SNTG1: variants seen among roughly 807,000 people sequenced by gnomAD.
SNTG1 encodes the protein gamma-1-syntrophin.
Under a neutral mutation model 74.7 loss-of-function variants are expected in SNTG1, and 39 were observed. That is an observed-to-expected ratio of 0.52 (90% confidence interval 0.40 to 0.68). SNTG1 has a LOEUF of 0.68. SNTG1 is among the 30% of genes least tolerant of loss of function. The probability of loss-of-function intolerance (pLI) is 0.00; values close to 1 mark genes in which losing one functional copy is unlikely to be tolerated. For missense variants in SNTG1, 685 were observed against 609.5 expected, an observed-to-expected ratio of 1.12 and a Z score of -1.30; for synonymous variants, 254 against 217.1, an observed-to-expected ratio of 1.17 and a Z score of -1.49.
chr8:50,395,313 T>C (rs4639524), intron 3 of SNTG1, among the ~76,000 whole-genome samples: 97,032 of 151,884 alleles, frequency 0.64, 31,157 homozygotes, highest in East Asian at 0.82. Flanking sequence ...CATATCTCTA[T>C]GCTAATACTC....
chr8:50,131,061 AAG>A (rs1398749568), intron 1 of SNTG1, among the ~76,000 whole-genome samples: 1 of 147,256 alleles, frequency 6.8e-6, no homozygotes, highest in African/African-American at 2.5e-5. Context: ...TAATTTCAAA[AAG>A]AGAGCATGAA....
At chr8:49,930,866 T>TA (rs1247984989) in intron 1 of SNTG1, among the ~76,000 whole-genome samples, 3 of 152,008 alleles carry the variant, frequency 2.0e-5, no homozygotes, top group Non-Finnish European at 4.4e-5. Context: ...ATATGAAAAT[T>TA]AAAAAATAAA....
At chr8:50,775,338 T>C (rs1044919787) in intron 18 of SNTG1, among the ~76,000 whole-genome samples, 2 of 151,662 alleles carry the variant, frequency 1.3e-5, no homozygotes, top group African/African-American at 2.4e-5. Flanking sequence ...TCCTGTTCTA[T>C]TTTTATTGTT....
rs148946199 is a variant in SNTG1 at position 50,603,048 on chromosome 8, T to A, written c.849+12131T>A. Among the ~76,000 whole-genome samples the A allele has an allele frequency of 4.6e-5, 7 of 152,284 alleles. No homozygotes were observed. The East Asian group carries it at 1.4e-3, about 29-fold the overall frequency. On this transcript the variant is annotated intron_variant, in intron 13 of 18. Coordinates refer to ENST00000642720, the MANE Select transcript of SNTG1 (RefSeq NM_018967.5). ...TTATAACCTTCTTGTACTTGAATGT[T>A]ATCTTTCTCTATGTTTTGGAAGTTC...
At position 50,405,369 on chromosome 8, in the gene SNTG1, G is replaced by A. The variant is rs565751312; in HGVS notation, c.162+3025G>A. On this transcript the variant is annotated intron_variant, in intron 4 of 18. Transcript: ENST00000642720. ...AATAAGTGTGAGGTTGAATCTCACC[G>A]TGGTTTTCATTTGCATTCTCCTGTC... 8.5e-5 allele frequency among the ~76,000 whole-genome samples: 13 copies of A among 152,174 alleles called. No individual in the cohort carries two copies. The South Asian group carries it at 1.4e-3, about 17-fold the overall frequency.
intron 9 of SNTG1, 96 bp from the exon 10 acceptor site, chr8:50,530,081 A>C (rs765011430): frequency 1.0e-6 from 1 of 995,276 alleles, no homozygotes; most frequent in Non-Finnish European, 1.6e-6. Flanking sequence ...GATTTACTTG[A>C]TATTACTGAG....
chr8:50,406,802 T>C (rs2092881602), intron 4 of SNTG1, among the ~76,000 whole-genome samples: 1 of 152,194 alleles, frequency 6.6e-6, no homozygotes, highest in Non-Finnish European at 1.5e-5. Context: ...GAGATGATCA[T>C]GTGTGCTTTT....
rs139865663 is a variant in SNTG1 at position 50,261,258 on chromosome 8, A to G, written c.-28+88623A>G. Among the ~76,000 whole-genome samples the G allele has an allele frequency of 6.6e-5, 10 of 152,312 alleles. No homozygotes were observed. In the East Asian group the frequency reaches 9.6e-4, roughly 15 times the overall value. On this transcript the variant is annotated intron_variant, in intron 2 of 18. Coordinates refer to ENST00000642720, the MANE Select transcript of SNTG1 (RefSeq NM_018967.5). Reference sequence around the variant, plus strand: ...AAGAAGAAAATCAAGTAAAATATTTAAAGTTTTGAAAAATGAATTCTCATC... The same window carrying G: ...AAGAAGAAAATCAAGTAAAATATTTGAAGTTTTGAAAAATGAATTCTCATC...
chr8:50,542,250 G>T (rs779133791), intron 11 of SNTG1, among the ~76,000 whole-genome samples: 12 of 150,666 alleles, frequency 8.0e-5, no homozygotes, highest in Non-Finnish European at 7.4e-5. Flanking sequence ...TCCACCCCCG[G>T]GTTCAAGCAA....
intron 2 of SNTG1, among the ~76,000 whole-genome samples, chr8:50,384,100 T>A (rs557155989): frequency 6.6e-6 from 1 of 152,144 alleles, no homozygotes; most frequent in East Asian, 1.9e-4. Flanking sequence ...TGAATTCTGG[T>A]AATGGGAGAG....
intron 1 of SNTG1, among the ~76,000 whole-genome samples, chr8:49,957,893 A>T (rs1032876339): frequency 1.3e-5 from 2 of 152,122 alleles, no homozygotes; most frequent in African/African-American, 4.8e-5. Flanking sequence ...TTGAACCGGG[A>T]GTTGAAGTCC....
intron 2 of SNTG1, among the ~76,000 whole-genome samples, chr8:50,383,852 G>A (rs1434449224): frequency 1.3e-5 from 2 of 152,170 alleles, no homozygotes; most frequent in Non-Finnish European, 2.9e-5. Context: ...ACCCCAGTCA[G>A]AGGAGTAACT....
intron 1 of SNTG1, among the ~76,000 whole-genome samples, chr8:50,097,336 C>T (rs1431453688): frequency 6.6e-6 from 1 of 151,896 alleles, no homozygotes; most frequent in African/African-American, 2.4e-5. Flanking sequence ...TTTGTTTTTG[C>T]TAGGAACTAA....
intron 13 of SNTG1, among the ~76,000 whole-genome samples, chr8:50,654,031 C>A (rs1469607444): frequency 6.6e-6 from 1 of 152,080 alleles, no homozygotes; most frequent in East Asian, 1.9e-4. Flanking sequence ...CTTTGGTTCT[C>A]TGAAGACACA....
At chr8:50,792,639 T>G in intron 18 of SNTG1, 32 bp from the exon 19 acceptor site, 1 of 1,561,304 alleles carries the variant, frequency 6.4e-7, no homozygotes, top group African/African-American at 1.4e-5. Context: ...TTAATTTTTA[T>G]GTTATCTGAC....
At chr8:50,288,192 G>A (rs887325794) in intron 2 of SNTG1, among the ~76,000 whole-genome samples, 1 of 152,030 alleles carries the variant, frequency 6.6e-6, no homozygotes, top group African/African-American at 2.4e-5. Flanking sequence ...GAATAAGCAC[G>A]CTTAAAAAAA....
At chr8:50,773,350 A>T (rs1438571925) in intron 18 of SNTG1, among the ~76,000 whole-genome samples, 1 of 152,096 alleles carries the variant, frequency 6.6e-6, no homozygotes, top group Non-Finnish European at 1.5e-5. Flanking sequence ...TATGCACATG[A>T]TGAGAAAAGA....
chr8:50,376,756 T>TATATAGAGAG (rs1381048539), intron 2 of SNTG1, among the ~76,000 whole-genome samples: 50 of 89,954 alleles, frequency 5.6e-4, no homozygotes, highest in Non-Finnish European at 8.5e-4. Flanking sequence ...TATATATATA[T>TATATAGAGAG]AGAGAGAGAG....
At chr8:50,517,556 C>G (rs2094143890) in intron 9 of SNTG1, among the ~76,000 whole-genome samples, 1 of 118,404 alleles carries the variant, frequency 8.4e-6, no homozygotes, top group Non-Finnish European at 1.6e-5. Context: ...ATCTCATGTG[C>G]AAAGACACAC....
Sources: allele counts gnomAD v4.1 joint callset (sites outside exome capture counted in the v4.1 genomes callset), GRCh38; gene constraint gnomAD v4.1.1; transcripts MANE v1.5; gene names NCBI Gene and HGNC (gene_info 2026-07-23, HGNC 2026-07-21).